The following SEPTIN9 variants were observed in gnomAD, a reference collection of about 807,000 sequenced individuals.
SEPTIN9 encodes septin 9.
Under a neutral mutation model 56.6 loss-of-function variants are expected in SEPTIN9, and 13 were observed. The ratio of observed to expected loss-of-function variants is 0.23; its 90% CI spans 0.15 to 0.37. The LOEUF (loss-of-function observed/expected upper bound fraction) is 0.37, where lower values mean the gene tolerates loss of function less well. Ranked by LOEUF, SEPTIN9 falls within the 10% of genes least tolerant of loss-of-function variation. SEPTIN9 has a pLI of 1.00. For missense variants in SEPTIN9, 650 were observed against 823.1 expected (o/e 0.79, Z 2.57); for synonymous variants, 332 against 334.1 (o/e 0.99, Z 0.07).
intron 2 of SEPTIN9, among the ~76,000 whole-genome samples, chr17:77,377,849 T>G (rs2034987897): frequency 6.6e-6 from 1 of 152,200 alleles, no homozygotes; most frequent in Non-Finnish European, 1.5e-5. Context: ...CAGCCAAGAC[T>G]CAAGGCATCC....
chr17:77,460,245 G>A (rs77238945), intron 3 of SEPTIN9, among the ~76,000 whole-genome samples: 1,602 of 152,252 alleles, frequency 0.011, 25 homozygotes, highest in African/African-American at 0.037. Context: ...CGGTGGGGGA[G>A]AAATGACTCA....
At chr17:77,328,510 C>G (rs751054655) in intron 2 of SEPTIN9, among the ~76,000 whole-genome samples, 2 of 152,196 alleles carry the variant, frequency 1.3e-5, no homozygotes, top group Non-Finnish European at 1.5e-5. Flanking sequence ...GGATGACAGG[C>G]GTCCGCCACC....
At chr17:77,284,147 G>T (rs900800799) in intron 1 of SEPTIN9, among the ~76,000 whole-genome samples, 1 of 152,134 alleles carries the variant, frequency 6.6e-6, no homozygotes, top group Non-Finnish European at 1.5e-5. Context: ...CTACTCAGGA[G>T]GCTGAGACAC....
intron 2 of SEPTIN9, among the ~76,000 whole-genome samples, chr17:77,331,518 C>T (rs2033357320): frequency 6.6e-6 from 1 of 152,206 alleles, no homozygotes; most frequent in African/African-American, 2.4e-5. Flanking sequence ...CCCGCCCAGC[C>T]TGGGCAGGGA....
At chr17:77,443,120 T>C (rs60017764) in intron 3 of SEPTIN9, among the ~76,000 whole-genome samples, 18,812 of 152,100 alleles carry the variant, frequency 0.12, 3,396 homozygotes, top group African/African-American at 0.39. Flanking sequence ...ATGGGCTGGG[T>C]GCAATGTGCC....
intron 3 of SEPTIN9, among the ~76,000 whole-genome samples, chr17:77,467,537 C>T (rs983390363): frequency 2.0e-5 from 3 of 152,092 alleles, no homozygotes; most frequent in Admixed American, 6.5e-5. Context: ...TCCCACCGGG[C>T]GCCTCATCCC....
chr17:77,392,062 C>T (rs2035560054), intron 2 of SEPTIN9, among the ~76,000 whole-genome samples: 1 of 152,188 alleles, frequency 6.6e-6, no homozygotes, highest in Admixed American at 6.5e-5. Context: ...GCGAGCTGCT[C>T]TTCCTGTAGC....
intron 1 of SEPTIN9, among the ~76,000 whole-genome samples, chr17:77,292,989 C>CATTT (rs138504683): frequency 0.11 from 12,277 of 115,792 alleles, 571 homozygotes; most frequent in Middle Eastern, 0.17. Flanking sequence ...ACCGCTTGAG[C>CATTT]ATTTATTTAT....
At position 77,493,017 on chromosome 17, in the gene SEPTIN9, A is replaced by C; in HGVS notation, c.1514A>C (p.Glu505Ala). ...TTTGCTGTGGTGGGCAGTGACCACG[A>C]GTACCAGGTCAACGGCAAGAGGATC... Reference protein sequence around the residue: ...IPFAVVGSDHEYQVNGKRILG... With the variant: ...IPFAVVGSDHAYQVNGKRILG... The change falls in exon 10 of 12, where the codon GAG becomes GCG. Residue 505 changes from glutamate (E) to alanine (A), a missense_variant. By Grantham distance (107) the Glu-to-Ala change is moderately radical. Around this residue, in one of 2 missense-constraint regions of SEPTIN9, gnomAD observed 333 missense variants for 494.0 expected, o/e 0.67. Transcript: ENST00000427177. 6.4e-7 allele frequency: 1 copy of C among 1,570,776 alleles called. No individual in the cohort carries two copies.
Position 77,319,280 on chromosome 17 carries a change from G to A in SEPTIN9, c.76+12083G>A, listed in dbSNP as rs2032814179. On this transcript the variant is annotated intron_variant, in intron 2 of 11. Transcript: ENST00000427177. This position sits in a 1 kb window ranked among gnomAD's most constrained non-coding sequence, Gnocchi z 5.3. ...TCTGCTGAGCCCTTGGCCTCAGCAT[G>A]GACCCTGACCATGTGCTGGTGGGGA... is the stretch of plus-strand genomic sequence containing the variant. 6.6e-6 allele frequency among the ~76,000 whole-genome samples: 1 copy of A among 152,216 alleles called. No homozygotes were observed. The highest frequency in any genetic ancestry group is 2.4e-5 in the African/African-American group (1 of 41,450).
At chr17:77,320,544 A>ATT (rs2032875639) in intron 2 of SEPTIN9, among the ~76,000 whole-genome samples, 1 of 152,190 alleles carries the variant, frequency 6.6e-6, no homozygotes, top group African/African-American at 2.4e-5. Flanking sequence ...TCTGGCTTTT[A>ATT]TTTAAACTCG....
chr17:77,337,952 T>A (rs1028967713), intron 2 of SEPTIN9, among the ~76,000 whole-genome samples: 4 of 152,190 alleles, frequency 2.6e-5, no homozygotes, highest in Non-Finnish European at 5.9e-5. Flanking sequence ...ATCCTAGCCC[T>A]TTGGGAGGCC....
chr17:77,350,583 C>G (rs994458883), intron 2 of SEPTIN9, among the ~76,000 whole-genome samples: 1 of 151,148 alleles, frequency 6.6e-6, no homozygotes, highest in Non-Finnish European at 1.5e-5. Flanking sequence ...CTGGAAGAAG[C>G]TCTGCCTCTC....
intron 2 of SEPTIN9, chr17:77,376,454 GC>G: frequency 2.1e-6 from 2 of 962,738 alleles, no homozygotes; most frequent in Non-Finnish European, 2.5e-6. Flanking sequence ...TGGGATGGTG[GC>G]CCCAGGGTTC....
chr17:77,454,299 A>G (rs574194616), intron 3 of SEPTIN9: 1 of 985,546 alleles, frequency 1.0e-6, no homozygotes, highest in African/African-American at 1.7e-5. Flanking sequence ...CTCTAGTCCC[A>G]GAGTTCTGCC....
chr17:77,335,047 T>A (rs2033492409), intron 2 of SEPTIN9, among the ~76,000 whole-genome samples: 1 of 151,850 alleles, frequency 6.6e-6, no homozygotes, highest in Non-Finnish European at 1.5e-5. Flanking sequence ...GGCCCTATGT[T>A]GACTGTATAT....
At chr17:77,442,541 C>T (rs958756249) in intron 3 of SEPTIN9, among the ~76,000 whole-genome samples, 3 of 150,306 alleles carry the variant, frequency 2.0e-5, no homozygotes, top group South Asian at 4.2e-4. Context: ...ACTTAGGGCC[C>T]GTATACTATC....
In SEPTIN9 at chr17:77,389,997, G is replaced by A. The variant is rs561040166; in HGVS notation, c.77-12062G>A. ...CGCCTGGAATGACCCTGTGGCTGCC[G>A]GAACCAGGGGCACGCGGTAGATGAC... is the stretch of plus-strand genomic sequence containing the variant. On this transcript the variant is annotated intron_variant, in intron 2 of 11. Transcript: ENST00000427177. This position sits in a 1 kb window ranked among gnomAD's most constrained non-coding sequence, Gnocchi z 4.3. Among the ~76,000 whole-genome samples the A allele has an allele frequency of 6.6e-6, 1 of 152,298 alleles. No homozygotes were observed. The highest frequency in any genetic ancestry group is 2.4e-5 in the African/African-American group (1 of 41,574).
chr17:77,296,850 C>G (rs1169569311), intron 1 of SEPTIN9, among the ~76,000 whole-genome samples: 1 of 151,112 alleles, frequency 6.6e-6, no homozygotes, highest in Non-Finnish European at 1.5e-5. Context: ...GAGACTCCAT[C>G]TCAAAAAGAA....
Sources: gnomAD v4.1 joint callset for allele counts (sites outside exome capture counted in the v4.1 genomes callset) on GRCh38, gnomAD v4.1.1 for gene constraint, gnomAD v4.1.1 regional missense constraint, Gnocchi (gnomAD v3.1) non-coding constraint, MANE v1.5 for transcripts, NCBI Gene and HGNC (gene_info 2026-07-23, HGNC 2026-07-21) for gene names.